The following PXDNL variants were observed in gnomAD, a reference collection of about 807,000 sequenced individuals.
PXDNL encodes the protein probable oxidoreductase PXDNL.
Under a neutral mutation model 150.8 loss-of-function variants are expected in PXDNL, and 145 were observed. That is an observed-to-expected ratio of 0.96 (90% CI 0.84 to 1.10). The LOEUF is 1.10. PXDNL is among the 50% of genes least tolerant of loss of function. The probability of loss-of-function intolerance (pLI) is 0.00; values close to 1 mark genes in which losing one functional copy is unlikely to be tolerated. For missense variants in PXDNL, 2,087 were observed against 1,873.9 expected, an observed-to-expected ratio of 1.11 and a Z score of -2.10; for synonymous variants, 757 against 725.7, an observed-to-expected ratio of 1.04 and a Z score of -0.69.
At chr8:51,804,997 G>C (rs962295860) in intron 1 of PXDNL, among the ~76,000 whole-genome samples, 2 of 151,556 alleles carry the variant, frequency 1.3e-5, no homozygotes, top group Non-Finnish European at 1.5e-5. Context: ...CTTCCTTCCA[G>C]AACAGCCTCT....
chr8:51,437,848 T>G (rs904137095), intron 12 of PXDNL, among the ~76,000 whole-genome samples: 1 of 152,168 alleles, frequency 6.6e-6, no homozygotes, highest in Non-Finnish European at 1.5e-5. Flanking sequence ...GCCATCCAAA[T>G]GAGTAAAGAG....
chr8:51,464,419 T>C (rs1003406194), intron 8 of PXDNL, among the ~76,000 whole-genome samples: 16 of 152,368 alleles, frequency 1.1e-4, no homozygotes, highest in Non-Finnish European at 1.9e-4. Flanking sequence ...AAAAGATCAA[T>C]GAAACCAAAA....
chr8:51,475,571 C>G (rs1364256244), intron 6 of PXDNL, among the ~76,000 whole-genome samples: 3 of 152,058 alleles, frequency 2.0e-5, no homozygotes, highest in Non-Finnish European at 4.4e-5. Flanking sequence ...TGAGACCAGC[C>G]TGGGCATTCT....
intron 3 of PXDNL, among the ~76,000 whole-genome samples, chr8:51,560,738 G>A (rs1812700359): frequency 6.6e-6 from 1 of 151,880 alleles, no homozygotes; most frequent in Admixed American, 6.6e-5. Flanking sequence ...TTTCTTAAAT[G>A]TGACACCAAA....
chr8:51,696,638 TACGCACATCC>T lies in PXDNL; in HGVS notation c.165-41888_165-41879del, dbSNP rs1048192736. 4.6e-3 allele frequency among the ~76,000 whole-genome samples: 2 copies of T among 434 alleles called. 1 individual carries two copies. Among genetic ancestry groups the T allele is most frequent in the Admixed American group, 0.053 (2 of 38 alleles). The allele number at this position is 434 out of a possible 152,430, so 0.3% of individuals were successfully genotyped here. A position where few individuals can be genotyped will look rare whatever the true frequency, so the allele number is the denominator to read the frequency against. On this transcript the variant is annotated intron_variant, in intron 1 of 22. Coordinates refer to ENST00000356297, the MANE Select transcript of PXDNL (RefSeq NM_144651.5). ...AAACACACAGATCCATTCACAGGCA[TACGCACATCC>T]ACACACATCCACACACAGGTCCACA... is the stretch of plus-strand genomic sequence containing the variant.
At chr8:51,373,022 C>T (rs962921422) in intron 18 of PXDNL, among the ~76,000 whole-genome samples, 2 of 152,160 alleles carry the variant, frequency 1.3e-5, no homozygotes, top group South Asian at 4.1e-4. Flanking sequence ...GACTTCTTGC[C>T]ACTATCTTGA....
chr8:51,355,057 G>A (rs887301571), intron 19 of PXDNL, among the ~76,000 whole-genome samples: 10 of 152,088 alleles, frequency 6.6e-5, no homozygotes, highest in South Asian at 2.1e-4. Flanking sequence ...TGTCCTTATG[G>A]TGTTCTATTA....
intron 1 of PXDNL, among the ~76,000 whole-genome samples, chr8:51,761,025 ATTTTTT>A (rs71237238): frequency 2.8e-4 from 32 of 114,456 alleles, no homozygotes; most frequent in African/African-American, 1.0e-3. Flanking sequence ...CGCCCGGCTA[ATTTTTT>A]TTTTTTTTTT....
intron 6 of PXDNL, among the ~76,000 whole-genome samples, chr8:51,479,134 A>G (rs572193130): frequency 1.3e-5 from 2 of 152,334 alleles, no homozygotes; most frequent in Non-Finnish European, 2.9e-5. Context: ...TAAATGTAAG[A>G]GGAGGCTAGA....
chr8:51,467,231 C>G (rs2130065116), intron 8 of PXDNL, among the ~76,000 whole-genome samples: 1 of 152,218 alleles, frequency 6.6e-6, no homozygotes, highest in East Asian at 1.9e-4. Flanking sequence ...GAATCATGTC[C>G]TTTGCAACAA....
chr8:51,596,549 T>G (rs548337801), intron 2 of PXDNL, among the ~76,000 whole-genome samples: 2 of 152,320 alleles, frequency 1.3e-5, no homozygotes, highest in African/African-American at 4.8e-5. Context: ...CTCCACAGCC[T>G]CAACCACAGC....
intron 1 of PXDNL, among the ~76,000 whole-genome samples, chr8:51,699,253 A>C (rs1003136895): frequency 6.6e-6 from 1 of 152,210 alleles, no homozygotes; most frequent in Non-Finnish European, 1.5e-5. Context: ...AACCACCTTC[A>C]TCAATTATCT....
chr8:51,320,568 C>A (rs116113141), intron 22 of PXDNL, among the ~76,000 whole-genome samples: 3 of 152,276 alleles, frequency 2.0e-5, no homozygotes, highest in Admixed American at 2.0e-4. Flanking sequence ...GGAAAAAGCT[C>A]GTGGTCTCTA....
At chr8:51,726,635 T>A (rs774989485) in intron 1 of PXDNL, among the ~76,000 whole-genome samples, 1 of 152,176 alleles carries the variant, frequency 6.6e-6, no homozygotes, top group Non-Finnish European at 1.5e-5. Context: ...GATAGCAGAT[T>A]CCTAGAATGT....
intron 5 of PXDNL, among the ~76,000 whole-genome samples, chr8:51,485,276 C>T (rs1054988014): frequency 6.6e-6 from 1 of 152,110 alleles, no homozygotes; most frequent in Non-Finnish European, 1.5e-5. Flanking sequence ...TGTTTTGATT[C>T]CCTGTGCTTA....
intron 1 of PXDNL, chr8:51,722,210 G>T (rs767492611): frequency 6.5e-6 from 1 of 154,164 alleles, no homozygotes; most frequent in Non-Finnish European, 1.4e-5. Flanking sequence ...AGTGAAATGG[G>T]AGAGTTCCCT....
In PXDNL at chr8:51,637,956, G is replaced by T. The variant is rs1278654115; in HGVS notation, c.236+16733C>A. ...ATGTTAAGGGCAGCCAGAGAGAAAG[G>T]TCGGGTTACCCACAAGGGGAAGCCC... On this transcript the variant is annotated intron_variant, in intron 2 of 22. Transcript: ENST00000356297. Among the ~76,000 whole-genome samples, 4 of 152,168 alleles carry T rather than the reference G, an allele frequency of 2.6e-5. No individual in the cohort carries two copies. The East Asian group carries it at 7.7e-4, about 29-fold the overall frequency.
At chr8:51,664,387 C>A (rs554709838) in intron 1 of PXDNL, among the ~76,000 whole-genome samples, 2 of 152,224 alleles carry the variant, frequency 1.3e-5, no homozygotes, top group Non-Finnish European at 2.9e-5. Context: ...ACATAATTCA[C>A]AGTTTTAGGA....
chr8:51,438,172 A>G (rs1389408948), intron 12 of PXDNL, among the ~76,000 whole-genome samples: 1 of 152,216 alleles, frequency 6.6e-6, no homozygotes, highest in Non-Finnish European at 1.5e-5. Context: ...TAGATGACAC[A>G]AATGAATTGA....
Sources: allele counts gnomAD v4.1 joint callset (sites outside exome capture counted in the v4.1 genomes callset), GRCh38; gene constraint gnomAD v4.1.1; transcripts MANE v1.5; gene names NCBI Gene and HGNC (gene_info 2026-07-23, HGNC 2026-07-21).